ECE2: variants seen among roughly 807,000 people sequenced by gnomAD.
The protein encoded by ECE2 is endothelin-converting enzyme 2.
A neutral mutation model predicts 100.6 loss-of-function variants in ECE2; 81 were observed. That is an observed-to-expected ratio of 0.81 (90% CI 0.67 to 0.97). The LOEUF is 0.97. Ranked by LOEUF, ECE2 falls within the 50% of genes least tolerant of loss-of-function variation. The pLI, the probability that ECE2 is intolerant of heterozygous loss-of-function variation, is 0.00. For missense variants in ECE2, 911 were observed against 988.1 expected, an observed-to-expected ratio of 0.92 and a Z score of 1.05; for synonymous variants, 391 against 391.5, an observed-to-expected ratio of 1.00 and a Z score of 0.02.
intron 4 of ECE2, 65 bp from the exon 5 acceptor site, chr3:184,277,860 G>A: frequency 6.3e-7 from 1 of 1,584,466 alleles, no homozygotes; most frequent in Non-Finnish European, 8.5e-7. Flanking sequence ...AACCGAGCAA[G>A]GGCCAGGGAC....
In ECE2 at chr3:184,290,841, G is replaced by A. The variant is rs748681998; in HGVS notation, c.1815G>A (p.Thr605=). 5.5e-5 allele frequency: 89 copies of A among 1,614,042 alleles called. 2 individuals carry two copies. The highest frequency in any genetic ancestry group is 6.3e-5 in the Non-Finnish European group (74 of 1,180,044). ...GIGVVMGHEL[T]HAFDDQGREY... ...GTGTGGTCATGGGCCATGAGTTGAC[G>A]CATGCCTTTGATGACCAAGGTAGGG... The change falls in exon 16 of 19, where the codon ACG becomes ACA. Residue 605 remains threonine (T), a synonymous_variant. Coordinates refer to ENST00000404464, the MANE Select transcript of ECE2 (RefSeq NM_001100121.2).
At position 184,284,961 on chromosome 3, in the gene ECE2, A is replaced by G. The variant is rs753590855; in HGVS notation, c.1006-2A>G. Reference sequence around the variant, plus strand: ...GCAAGGCCTGAGATTTTTTTCTTTCAGGCTCTGGCGCCCTCCATGGACTGG... The same window carrying G: ...GCAAGGCCTGAGATTTTTTTCTTTCGGGCTCTGGCGCCCTCCATGGACTGG... On this transcript the variant is annotated splice_acceptor_variant, in intron 8 of 18. Coordinates refer to ENST00000404464, the MANE Select transcript of ECE2 (RefSeq NM_001100121.2). LOFTEE classifies it high-confidence loss of function. 1.9e-6 allele frequency: 3 copies of G among 1,611,162 alleles called. No homozygotes were observed. The South Asian group carries it at 3.3e-5, about 18-fold the overall frequency.
In ECE2 at chr3:184,292,212, C is replaced by A. The variant is rs150871571; in HGVS notation, c.2272C>A (p.Pro758Thr). 9.3e-6 allele frequency: 15 copies of A among 1,614,000 alleles called. No individual in the cohort carries two copies. The African/African-American group carries it at 1.7e-4, about 19-fold the overall frequency. Reference sequence around the variant, plus strand: ...CTGCCCTGTCGGCTCCCCCATGAACCCAGGGCAGCTGTGTGAGGTGTGGTA... The same window carrying A: ...CTGCCCTGTCGGCTCCCCCATGAACACAGGGCAGCTGTGTGAGGTGTGGTA... ...FGCPVGSPMN[P>T]GQLCEVW The change falls in exon 19 of 19, where the codon CCA becomes ACA. Residue 758 changes from proline to threonine, a missense_variant. By Grantham distance (38) the Pro-to-Thr change is conservative (BLOSUM62 -1). Transcript: ENST00000404464.
Position 184,292,516 on chromosome 3 carries a change from A to G in ECE2, c.*278A>G, listed in dbSNP as rs1264004019. The G allele has an allele frequency of 4.3e-5, 21 of 488,362 alleles. No homozygotes were observed. Among genetic ancestry groups the G allele is most frequent in the Non-Finnish European group, 7.8e-5 (21 of 269,298 alleles). 30.3% of individuals were successfully genotyped at this position (488,362 alleles called of 1,614,324 possible). A position where few individuals can be genotyped will look rare whatever the true frequency, so the allele number is the denominator to read the frequency against. The stretch of plus-strand genomic sequence containing the variant: ...TCTGGGTGGGGAGGCCAGTTCCCAT[A>G]GGAAGGAGTCTGCCTCTTCTGTCCC... On this transcript the variant is annotated 3_prime_UTR_variant, in exon 19 of 19. Coordinates refer to ENST00000404464, the MANE Select transcript of ECE2 (RefSeq NM_001100121.2).
Position 184,289,824 on chromosome 3 carries a change from T to A in ECE2, c.1551+106T>A. The A allele has an allele frequency of 9.5e-7, 1 of 1,054,674 alleles. No homozygotes were observed. The highest frequency in any genetic ancestry group is 1.7e-5 in the South Asian group (1 of 59,636). The allele number at this position is 1,054,674 out of a possible 1,614,324, so 65.3% of individuals were successfully genotyped here. ...CACTGGGAAAGAGGTGCTTGTCGGT[T>A]TCTTTTAGAGGCAGATGGAGGTAAC... On this transcript the variant is annotated intron_variant, in intron 13 of 18. Transcript: ENST00000404464. This position sits in a 1 kb window ranked among gnomAD's most constrained non-coding sequence, Gnocchi z 4.1.
intron 16 of ECE2, 43 bp from the exon 17 acceptor site, chr3:184,290,997 C>G: frequency 6.4e-7 from 1 of 1,555,760 alleles, no homozygotes; most frequent in Non-Finnish European, 8.7e-7. Flanking sequence ...CCCCAAGAGA[C>G]GAGCTCTGGT....
chr3:184,291,061 G>A lies in ECE2; in HGVS notation c.1856G>A (p.Gly619Glu). 6.3e-7 allele frequency: 1 copy of A among 1,575,056 alleles called. No individual in the cohort carries two copies. The highest frequency in any genetic ancestry group is 2.2e-5 in the East Asian group (1 of 44,476). Residue 619 changes from glycine (G) to glutamate (E), a missense_variant, in exon 17 of 19, where the codon GGG becomes GAG. Physicochemically the swap from Gly to Glu is moderately conservative, Grantham distance 98. Transcript: ENST00000404464. This position sits in a 1 kb window ranked among gnomAD's most constrained non-coding sequence, Gnocchi z 4.1. ...DDQGREYDKEGNLRPWWQNES... is the reference protein window; with the variant it reads ...DDQGREYDKEENLRPWWQNES... ...TCAGGGCGCGAGTATGACAAAGAAG[G>A]GAACCTGCGGCCCTGGTGGCAGAAT...
At chr3:184,280,423 T>G (rs1720770846) in intron 7 of ECE2, among the ~76,000 whole-genome samples, 1 of 152,112 alleles carries the variant, frequency 6.6e-6, no homozygotes, top group African/African-American at 2.4e-5. Context: ...AGCTGCTCCT[T>G]TTAGACATGT....
chr3:184,276,313 G>T (rs1720545564), intron 1 of ECE2, 121 bp downstream of exon 1: 1 of 1,375,334 alleles, frequency 7.3e-7, no homozygotes. Flanking sequence ...TCCCGGGCCT[G>T]GTGGAGGGGT....
rs771942516 is a variant in ECE2 at position 184,289,367 on chromosome 3, C to T, written c.1375-70C>T. 1 of 1,451,700 alleles carries T rather than the reference C, an allele frequency of 6.9e-7. No homozygotes were observed. Among genetic ancestry groups the T allele is most frequent in the Non-Finnish European group, 9.5e-7 (1 of 1,057,608 alleles). The allele number at this position is 1,451,700 out of a possible 1,614,324, so 89.9% of individuals were successfully genotyped here. On this transcript the variant is annotated intron_variant, in intron 11 of 18. Coordinates refer to ENST00000404464, the MANE Select transcript of ECE2 (RefSeq NM_001100121.2). This position sits in a 1 kb window ranked among gnomAD's most constrained non-coding sequence, Gnocchi z 4.1. ...CCCTGGGTGGACAGGGATGGGGCAC[C>T]AAGGGTGGATGGGTGGGGCAGGGAT...
chr3:184,292,376 G>T lies in ECE2; in HGVS notation c.*138G>T. ...TCCCTCCCCCCCACAGGTGACATGA[G>T]TACAGACCCTCCTCAATCACCACAT... On this transcript the variant is annotated 3_prime_UTR_variant, in exon 19 of 19. Coordinates refer to ENST00000404464, the MANE Select transcript of ECE2 (RefSeq NM_001100121.2). 1.1e-6 allele frequency: 1 copy of T among 949,570 alleles called. No individual in the cohort carries two copies. Among genetic ancestry groups the T allele is most frequent in the Admixed American group, 2.7e-5 (1 of 37,146 alleles). The allele number at this position is 949,570 out of a possible 1,614,324, so 58.8% of individuals were successfully genotyped here.
At position 184,287,952 on chromosome 3, in the gene ECE2, G is replaced by A. The variant is rs1721132493; in HGVS notation, c.1374+5G>A. The stretch of plus-strand genomic sequence containing the variant: ...GACCGGCAAAGCAAAGAAATTGTGA[G>A]TCTACAAGATTCTTTCAACACTATG... On this transcript the variant is annotated splice_donor_5th_base_variant and intron_variant, in intron 11 of 18. Transcript: ENST00000404464. The A allele has an allele frequency of 1.2e-6, 2 of 1,613,154 alleles. No individual in the cohort carries two copies. Among genetic ancestry groups the A allele is most frequent in the Non-Finnish European group, 1.7e-6 (2 of 1,179,180 alleles).
chr3:184,288,187 G>A (rs980870432), intron 11 of ECE2, among the ~76,000 whole-genome samples: 5 of 151,606 alleles, frequency 3.3e-5, no homozygotes, highest in Non-Finnish European at 5.9e-5. Context: ...GCGGGTGTCT[G>A]TAATCCCAGC....
At position 184,276,945 on chromosome 3, in the gene ECE2, G is replaced by C. The variant is rs374759899; in HGVS notation, c.180G>C (p.Glu60Asp). The C allele has an allele frequency of 6.2e-7, 1 of 1,614,172 alleles. No homozygotes were observed. Among genetic ancestry groups the C allele is most frequent in the Non-Finnish European group, 8.5e-7 (1 of 1,180,026 alleles). Reference protein sequence around the residue: ...RQLLGSRTQLELVLAGASLLL... With the variant: ...RQLLGSRTQLDLVLAGASLLL... ...TGTTAGGCTCACGCACGCAGCTGGA[G>C]CTGGTCTTAGCAGGTGCCTCTCTAC... Residue 60 changes from glutamate (E) to aspartate (D), a missense_variant, in exon 3 of 19, where the codon GAG (glutamate) becomes GAC (aspartate). Glu to Asp is a conservative substitution (Grantham distance 45). Coordinates refer to ENST00000404464, the MANE Select transcript of ECE2 (RefSeq NM_001100121.2).
At chr3:184,279,533 G>A (rs1358924276) in intron 7 of ECE2, among the ~76,000 whole-genome samples, 3 of 151,352 alleles carry the variant, frequency 2.0e-5, no homozygotes, top group African/African-American at 7.3e-5. Context: ...GTGTGCACCT[G>A]TAATCTCAGC....
intron 10 of ECE2, among the ~76,000 whole-genome samples, chr3:184,287,071 C>T (rs1180477430): frequency 6.6e-6 from 1 of 151,470 alleles, no homozygotes; most frequent in African/African-American, 2.4e-5. Flanking sequence ...GTAAGGAGTT[C>T]AAGACCATCC....
chr3:184,278,687 C>T (rs1720683157), intron 7 of ECE2, 130 bp downstream of exon 7: 2 of 829,296 alleles, frequency 2.4e-6, no homozygotes. Context: ...AACAAACTGC[C>T]CCTCCTTTCT....
chr3:184,280,829 A>C (rs1720786793), intron 7 of ECE2, among the ~76,000 whole-genome samples: 1 of 152,104 alleles, frequency 6.6e-6, no homozygotes, highest in Non-Finnish European at 1.5e-5. Flanking sequence ...AAATACAAAA[A>C]TTAGCCCGAC....
chr3:184,290,406 G>A lies in ECE2; in HGVS notation c.1655+48G>A, dbSNP rs750173096. ...AGACACTAGGGGTGGCAGGAGAGGT[G>A]GGGGAAGGTTCCTGGGATGGGGGAA... On this transcript the variant is annotated intron_variant, in intron 14 of 18. Coordinates refer to ENST00000404464, the MANE Select transcript of ECE2 (RefSeq NM_001100121.2). 7 of 1,594,262 alleles carry A rather than the reference G, an allele frequency of 4.4e-6. No individual in the cohort carries two copies. In the Admixed American group the frequency reaches 8.4e-5, roughly 19 times the overall value.
Sources: allele counts gnomAD v4.1 joint callset (sites outside exome capture counted in the v4.1 genomes callset), GRCh38; gene constraint gnomAD v4.1.1; non-coding constraint Gnocchi (gnomAD v3.1); transcripts MANE v1.5; gene names NCBI Gene and HGNC (gene_info 2026-07-23, HGNC 2026-07-21).